Variants in PGM3 observed in about 807,000 individuals in gnomAD.
PGM3 encodes phosphoacetylglucosamine mutase.
A neutral mutation model predicts 66.2 loss-of-function variants in PGM3; 40 were observed. The observed-to-expected ratio is 0.60, with a 90% CI of 0.47 to 0.79. The LOEUF (loss-of-function observed/expected upper bound fraction) is 0.79, where lower values mean the gene tolerates loss of function less well. PGM3 is among the 30% of genes least tolerant of loss of function. The pLI, the probability that PGM3 is intolerant of heterozygous loss-of-function variation, is 0.00. For missense variants in PGM3, 537 were observed against 643.4 expected (o/e 0.83, Z 1.79); for synonymous variants, 191 against 224.2 (o/e 0.85, Z 1.32).
At chr6:83,164,538 A>G (rs1035959566), downstream of PGM3, 7 of 950,526 alleles carry the variant, frequency 7.4e-6, no homozygotes, top group Admixed American at 8.2e-5. Context: ...GTCCCACAGA[A>G]TAAGAAAACT....
downstream of PGM3, among the ~76,000 whole-genome samples, chr6:83,163,555 T>A (rs1187489348): frequency 6.6e-6 from 1 of 152,208 alleles, no homozygotes; most frequent in Non-Finnish European, 1.5e-5. Flanking sequence ...TATGCTAAAA[T>A]TCATTTTCTA....
downstream of PGM3, among the ~76,000 whole-genome samples, chr6:83,158,795 T>C (rs1222551303): frequency 6.6e-6 from 1 of 152,224 alleles, no homozygotes; most frequent in Non-Finnish European, 1.5e-5. Context: ...CCCTTTAGAT[T>C]GGATTAAGCC....
downstream of PGM3, among the ~76,000 whole-genome samples, chr6:83,156,792 A>G (rs892271284): frequency 6.6e-6 from 1 of 152,176 alleles, no homozygotes; most frequent in African/African-American, 2.4e-5. Context: ...TTTTACGCCT[A>G]ATTTCAGATA....
At chr6:83,151,846 G>A in the PGM3 span, 1 of 1,598,296 alleles carries the variant, frequency 6.3e-7, no homozygotes, top group Non-Finnish European at 8.6e-7. Flanking sequence ...GTGTGCATGT[G>A]TGTACCATAC....
At chr6:83,159,617 A>T (rs1783756535), downstream of PGM3, 4 of 711,980 alleles carry the variant, frequency 5.6e-6, no homozygotes, top group African/African-American at 1.8e-5. Context: ...ATTCTCAAAG[A>T]AGAAAAGTGA....
At chr6:83,151,311 C>T in the PGM3 span, among the ~76,000 whole-genome samples, 2 of 152,154 alleles carry the variant, frequency 1.3e-5, no homozygotes, top group South Asian at 2.1e-4. Context: ...TGCACCACCA[C>T]GCCTGGCCAC....
chr6:83,181,016 A>G (rs1788142247), intron 6 of PGM3, among the ~76,000 whole-genome samples: 1 of 152,232 alleles, frequency 6.6e-6, no homozygotes. Context: ...ATTTTTAAAC[A>G]GTGGCACACA....
chr6:83,149,960 A>G, the PGM3 span, among the ~76,000 whole-genome samples: 2,556 of 152,316 alleles, frequency 0.017, 85 homozygotes, highest in African/African-American at 0.057. Flanking sequence ...TAATTGTCCA[A>G]TCACCAGTTA....
chr6:83,151,626 T>C, the PGM3 span: 2 of 1,609,266 alleles, frequency 1.2e-6, no homozygotes, highest in Non-Finnish European at 1.7e-6. Context: ...AAAACCCTAG[T>C]TTGGAAAATA....
Position 83,166,090 on chromosome 6 carries a change from AATGATTC to A in PGM3, c.*3137_*3143del. ...GGCACACATCACAATCCGATAGAGA[AATGATTC>A]ATTATTGTTGCATAGAATAGAGAAA... On this transcript the variant is annotated 3_prime_UTR_variant, in exon 13 of 13. Transcript: ENST00000513973. 1 of 361,918 alleles carries A rather than the reference AATGATTC, an allele frequency of 2.8e-6. No individual in the cohort carries two copies. Among genetic ancestry groups the A allele is most frequent in the Non-Finnish European group, 5.0e-6 (1 of 201,348 alleles). The allele number at this position is 361,918 out of a possible 1,614,324, so 22.4% of individuals were successfully genotyped here.
the PGM3 span, chr6:83,153,790 T>C: frequency 7.8e-7 from 1 of 1,284,132 alleles, no homozygotes; most frequent in Non-Finnish European, 1.1e-6. Flanking sequence ...TTCTATTTCA[T>C]ATCTTCATGT....
intron 1 of PGM3, among the ~76,000 whole-genome samples, chr6:83,192,587 T>C (rs1056679027): frequency 3.9e-5 from 6 of 152,138 alleles, no homozygotes; most frequent in Non-Finnish European, 8.8e-5. Flanking sequence ...TTCAAGACAG[T>C]GATCAGATCT....
At chr6:83,171,795 A>G (rs1036882926) in intron 11 of PGM3, 142 bp downstream of exon 11, 1 of 648,910 alleles carries the variant, frequency 1.5e-6, no homozygotes, top group Non-Finnish European at 2.5e-6. Flanking sequence ...CGCTTGGCCC[A>G]TAAGGCCTTA....
At chr6:83,186,123 G>A (rs781319484) in intron 4 of PGM3, among the ~76,000 whole-genome samples, 21 of 152,142 alleles carry the variant, frequency 1.4e-4, no homozygotes, top group Non-Finnish European at 2.8e-4. Context: ...TCTGTACATC[G>A]TATCATGAGG....
rs1303980208 is a variant in PGM3, at chr6:83,165,260, A to T, written c.*3974T>A. 1.3e-5 allele frequency: 2 copies of T among 152,584 alleles called. No homozygotes were observed. The highest frequency in any genetic ancestry group is 2.9e-5 in the Non-Finnish European group (2 of 68,372). The allele number at this position is 152,584 out of a possible 1,614,324, so 9.5% of individuals were successfully genotyped here. On this transcript the variant is annotated 3_prime_UTR_variant, in exon 13 of 13. Transcript: ENST00000513973. ...GTCATAGTTAAGAAAGAAAGAAAGA[A>T]AGTTTTATATATCCTGTAATCTAGA...
At chr6:83,153,993 C>A in the PGM3 span, 2 of 1,614,050 alleles carry the variant, frequency 1.2e-6, no homozygotes, top group African/African-American at 1.3e-5. Context: ...AAGCTTTTGA[C>A]CTCTTTATGG....
chr6:83,188,238 T>C (rs770967804), intron 3 of PGM3, among the ~76,000 whole-genome samples: 1 of 152,124 alleles, frequency 6.6e-6, no homozygotes, highest in Non-Finnish European at 1.5e-5. Context: ...GAAACAATAA[T>C]AACACAGATT....
At chr6:83,183,140 A>G (rs1583283545) in intron 4 of PGM3, among the ~76,000 whole-genome samples, 162 bp from the exon 5 acceptor site, 3 of 152,228 alleles carry the variant, frequency 2.0e-5, no homozygotes, top group Non-Finnish European at 2.9e-5. Flanking sequence ...ATAAATGACT[A>G]TAAGAAGCCA....
In PGM3 at chr6:83,188,681, C is replaced by G. The variant is rs748936671; in HGVS notation, c.322G>C (p.Asp108His). The change falls in exon 3 of 13, where the codon GAC becomes CAC. Residue 108 changes from aspartate (D) to histidine (H), a missense_variant. Coordinates refer to ENST00000513973, the MANE Select transcript of PGM3 (RefSeq NM_015599.3). ...TTCACAGCTTCTTTCTCGCTGATGTCAATAAGCACTCTCTGCATATCTTGT... is the reference window on the plus strand; with the variant it reads ...TTCACAGCTTCTTTCTCGCTGATGTGAATAAGCACTCTCTGCATATCTTGT... ...EEQDMQRVLI[D>H]ISEKEAVNLQ... is the part of the protein sequence containing the mutation. The G allele has an allele frequency of 9.9e-6, 16 of 1,613,656 alleles. No individual in the cohort carries two copies. The highest frequency in any genetic ancestry group is 1.3e-5 in the Non-Finnish European group (15 of 1,179,716).
Sources: gnomAD v4.1 joint callset for allele counts (sites outside exome capture counted in the v4.1 genomes callset) on GRCh38, gnomAD v4.1.1 for gene constraint, MANE v1.5 for transcripts, NCBI Gene and HGNC (gene_info 2026-07-23, HGNC 2026-07-21) for gene names.